TNFSF4: variants seen among roughly 807,000 people sequenced by gnomAD.
TNFSF4 encodes tumor necrosis factor ligand superfamily member 4.
In TNFSF4, 4 loss-of-function variants were observed where a neutral mutation model predicts 7.3. That is an observed-to-expected ratio of 0.55 (90% CI 0.27 to 1.25). The LOEUF is 1.25. TNFSF4 is among the 50% of genes most tolerant of loss of function. TNFSF4 has a pLI of 0.12. For synonymous variants in TNFSF4, 76 were observed against 83.7 expected, an observed-to-expected ratio of 0.91 and a Z score of 0.50; for missense variants, 181 against 208.8, an observed-to-expected ratio of 0.87 and a Z score of 0.82.
the TNFSF4 span, chr1:173,351,747 C>T: frequency 0.33 from 167,644 of 512,506 alleles, 28,350 homozygotes; most frequent in Non-Finnish European, 0.35. Context: ...TGTACGAGTA[C>T]GAGGACACTA....
At chr1:173,268,854 A>T in the TNFSF4 span, among the ~76,000 whole-genome samples, 57 of 152,154 alleles carry the variant, frequency 3.7e-4, 1 homozygote, top group Admixed American at 3.7e-3. Context: ...AAGTAGACCC[A>T]GACATAATGA....
chr1:173,375,849 T>C, the TNFSF4 span, among the ~76,000 whole-genome samples: 3 of 152,012 alleles, frequency 2.0e-5, no homozygotes, highest in African/African-American at 7.3e-5. Context: ...CACAATAAAC[T>C]TTACTACCAC....
the TNFSF4 span, among the ~76,000 whole-genome samples, chr1:173,225,668 T>C: frequency 6.6e-6 from 1 of 152,222 alleles, no homozygotes; most frequent in South Asian, 2.1e-4. Flanking sequence ...AGACAGATAA[T>C]ACTGAGGACT....
At chr1:173,178,866 C>T (rs1308907582), downstream of TNFSF4, among the ~76,000 whole-genome samples, 1 of 152,020 alleles carries the variant, frequency 6.6e-6, no homozygotes, top group Non-Finnish European at 1.5e-5. Flanking sequence ...CTAAATGTAA[C>T]CATTTTTTAT....
chr1:173,310,846 T>C, the TNFSF4 span, among the ~76,000 whole-genome samples: 1 of 151,874 alleles, frequency 6.6e-6, no homozygotes, highest in Non-Finnish European at 1.5e-5. Context: ...TCATGGTAAG[T>C]TGAAACTTAT....
chr1:173,422,326 G>GAAAAA, the TNFSF4 span, among the ~76,000 whole-genome samples: 4 of 89,042 alleles, frequency 4.5e-5, no homozygotes, highest in South Asian at 4.7e-4. Context: ...TGCCCAGAGT[G>GAAAAA]AAAAAAAAAA....
chr1:173,314,949 T>A, the TNFSF4 span, among the ~76,000 whole-genome samples: 1 of 151,912 alleles, frequency 6.6e-6, no homozygotes, highest in African/African-American at 2.4e-5. Context: ...GTAGGAGAAG[T>A]GGGGCAAGGG....
chr1:173,321,500 C>T, the TNFSF4 span, among the ~76,000 whole-genome samples: 243 of 152,126 alleles, frequency 1.6e-3, 1 homozygote, highest in African/African-American at 5.5e-3. Context: ...AACTAAAGAG[C>T]TTCTGTACAG....
the TNFSF4 span, among the ~76,000 whole-genome samples, chr1:173,385,813 G>T: frequency 6.6e-6 from 1 of 152,050 alleles, no homozygotes. Context: ...CTGCACTCCA[G>T]CCTGGGCAAC....
the TNFSF4 span, among the ~76,000 whole-genome samples, chr1:173,441,582 C>T: frequency 3.3e-5 from 5 of 152,256 alleles, no homozygotes; most frequent in South Asian, 1.0e-3. Flanking sequence ...CAAGATTGAG[C>T]CACTGCACTC....
At chr1:173,414,510 A>T in the TNFSF4 span, among the ~76,000 whole-genome samples, 1 of 152,230 alleles carries the variant, frequency 6.6e-6, no homozygotes, top group Non-Finnish European at 1.5e-5. Context: ...TGCAAACAAG[A>T]AACATGAGGT....
intron 1 of TNFSF4, among the ~76,000 whole-genome samples, chr1:173,206,734 G>C (rs979290009): frequency 6.6e-6 from 1 of 152,100 alleles, no homozygotes; most frequent in Non-Finnish European, 1.5e-5. Context: ...GCTTCAAAGT[G>C]ACAGCTTATA....
the TNFSF4 span, among the ~76,000 whole-genome samples, chr1:173,406,763 T>C: frequency 1.3e-5 from 2 of 152,314 alleles, no homozygotes; most frequent in African/African-American, 4.8e-5. Flanking sequence ...CCTCCTGTCC[T>C]GAATGAATCG....
chr1:173,178,232 T>C, the TNFSF4 span, among the ~76,000 whole-genome samples: 117 of 152,330 alleles, frequency 7.7e-4, no homozygotes, highest in Non-Finnish European at 1.6e-3. Flanking sequence ...CTTTTTCTAA[T>C]AGATCCTTTA....
intron 1 of TNFSF4, among the ~76,000 whole-genome samples, chr1:173,195,944 G>A (rs11807842): frequency 0.07 from 10,719 of 152,204 alleles, 514 homozygotes; most frequent in African/African-American, 0.13. Flanking sequence ...TCTCCTCCCC[G>A]CACCTTGGGC....
chr1:173,342,795 A>C, the TNFSF4 span, among the ~76,000 whole-genome samples: 1 of 152,246 alleles, frequency 6.6e-6, no homozygotes, highest in African/African-American at 2.4e-5. Flanking sequence ...GCTCTGCAGA[A>C]GAGCCTTGTG....
the TNFSF4 span, among the ~76,000 whole-genome samples, chr1:173,288,489 A>C: frequency 6.6e-6 from 1 of 152,162 alleles, no homozygotes; most frequent in African/African-American, 2.4e-5. Flanking sequence ...GCAAAGATAT[A>C]AAAAATTTAA....
the TNFSF4 span, among the ~76,000 whole-genome samples, chr1:173,258,083 A>G: frequency 6.6e-6 from 1 of 152,194 alleles, no homozygotes; most frequent in African/African-American, 2.4e-5. Context: ...GTTAGCAGTT[A>G]TCTCCCGGGA....
the TNFSF4 span, among the ~76,000 whole-genome samples, chr1:173,307,137 TAAATC>T: frequency 6.6e-6 from 1 of 151,920 alleles, no homozygotes; most frequent in Non-Finnish European, 1.5e-5. Flanking sequence ...CTTTATTTAT[TAAATC>T]AATTCATTCT....
Sources: allele counts gnomAD v4.1 joint callset (sites outside exome capture counted in the v4.1 genomes callset), GRCh38; gene constraint gnomAD v4.1.1; transcripts MANE v1.5; gene names NCBI Gene and HGNC (gene_info 2026-07-23, HGNC 2026-07-21).